KALRN: variants seen among roughly 807,000 people sequenced by gnomAD.
The protein encoded by KALRN is kalirin.
Under a neutral mutation model 353.7 loss-of-function variants are expected in KALRN, and 70 were observed. The ratio of observed to expected loss-of-function variants is 0.20; its 90% confidence interval spans 0.16 to 0.24. The LOEUF (loss-of-function observed/expected upper bound fraction) is 0.24, where lower values mean the gene tolerates loss of function less well. Ranked by LOEUF, KALRN falls within the 10% of genes least tolerant of loss-of-function variation. KALRN has a pLI of 1.00. For synonymous variants in KALRN, 1,391 were observed against 1,434.8 expected (o/e 0.97, Z 0.69); for missense variants, 2,791 against 3,756.7 (o/e 0.74, Z 6.72).
At position 124,334,093 on chromosome 3, in the gene KALRN, C is replaced by T. The variant is rs552698809; in HGVS notation, c.1417-172C>T. 6.6e-6 allele frequency among the ~76,000 whole-genome samples: 1 copy of T among 152,332 alleles called. No individual in the cohort carries two copies. Among genetic ancestry groups the T allele is most frequent in the East Asian group, 1.9e-4 (1 of 5,184 alleles). On this transcript the variant is annotated intron_variant, in intron 8 of 59. Transcript: ENST00000682506. This position sits in a 1 kb window ranked among gnomAD's most constrained non-coding sequence, Gnocchi z 4.2. Reference sequence around the variant, plus strand: ...GGATTCCAGCTGCTCTGCCCTCCACCAGGCCGGAGGATGGGCCCCATGGCA... The same window carrying T: ...GGATTCCAGCTGCTCTGCCCTCCACTAGGCCGGAGGATGGGCCCCATGGCA...
chr3:124,262,065 C>A (rs1216513095), intron 3 of KALRN, among the ~76,000 whole-genome samples: 1 of 152,056 alleles, frequency 6.6e-6, no homozygotes, highest in Non-Finnish European at 1.5e-5. Flanking sequence ...TTTAAAAATT[C>A]TATGACCAGT....
intron 1 of KALRN, among the ~76,000 whole-genome samples, chr3:124,213,500 C>A (rs1467570305): frequency 6.6e-6 from 1 of 151,908 alleles, no homozygotes; most frequent in Non-Finnish European, 1.5e-5. Flanking sequence ...CATTATTTAT[C>A]TTTTTTAAAA....
At chr3:124,056,161 C>T (rs2041518106) in intron 1 of KALRN, among the ~76,000 whole-genome samples, 4 of 152,204 alleles carry the variant, frequency 2.6e-5, no homozygotes, top group African/African-American at 9.7e-5. Context: ...TTTGCCAGCC[C>T]CTTGCCTTGC....
intron 19 of KALRN, 44 bp downstream of exon 19, chr3:124,442,103 C>A: frequency 4.0e-6 from 5 of 1,248,590 alleles, no homozygotes; most frequent in Non-Finnish European, 5.7e-6. Context: ...TCAGCGACAG[C>A]CCCTCCCTGA....
chr3:124,345,760 C>T (rs1199790261), intron 9 of KALRN, among the ~76,000 whole-genome samples: 1 of 152,172 alleles, frequency 6.6e-6, no homozygotes, highest in Non-Finnish European at 1.5e-5. Context: ...TTTCTCTGAA[C>T]TAGCACAATC....
intron 1 of KALRN, among the ~76,000 whole-genome samples, chr3:124,134,369 C>T (rs1362167576): frequency 3.3e-5 from 5 of 152,138 alleles, no homozygotes; most frequent in Non-Finnish European, 7.4e-5. Flanking sequence ...TCACCTTATA[C>T]AAAAATCAAC....
chr3:124,458,682 C>A (rs1355140742), intron 23 of KALRN, among the ~76,000 whole-genome samples: 1 of 152,136 alleles, frequency 6.6e-6, no homozygotes, highest in African/African-American at 2.4e-5. Context: ...ATGCCTGTAA[C>A]TTTGGGGGGC....
chr3:124,495,991 A>G (rs55724965), intron 32 of KALRN, among the ~76,000 whole-genome samples: 3,654 of 60,674 alleles, frequency 0.06, 761 homozygotes, highest in Non-Finnish European at 0.076. Context: ...ATATATATAT[A>G]TATATATATA....
At chr3:124,183,787 C>A (rs1438981217) in intron 1 of KALRN, among the ~76,000 whole-genome samples, 1 of 152,158 alleles carries the variant, frequency 6.6e-6, no homozygotes, top group Non-Finnish European at 1.5e-5. Flanking sequence ...GCAGTCCTAG[C>A]AAACTAGTAC....
At chr3:124,506,990 C>T (rs1237246599) in intron 33 of KALRN, among the ~76,000 whole-genome samples, 1 of 152,198 alleles carries the variant, frequency 6.6e-6, no homozygotes, top group African/African-American at 2.4e-5. Context: ...ATGAAGAAAG[C>T]ACACACAGCA....
intron 11 of KALRN, among the ~76,000 whole-genome samples, chr3:124,391,093 T>C (rs977726688): frequency 3.3e-5 from 5 of 152,176 alleles, no homozygotes; most frequent in Admixed American, 2.6e-4. Context: ...TACATGTGTT[T>C]CTGTAAGAAA....
At chr3:124,661,084 C>A in intron 44 of KALRN, 111 bp downstream of exon 44, 1 of 826,516 alleles carries the variant, frequency 1.2e-6, no homozygotes, top group Non-Finnish European at 2.1e-6. Flanking sequence ...GGACCCCTCT[C>A]AGACAGTAAG....
At chr3:124,056,091 T>C (rs1325730924) in intron 1 of KALRN, among the ~76,000 whole-genome samples, 4 of 152,236 alleles carry the variant, frequency 2.6e-5, no homozygotes, top group Admixed American at 1.3e-4. Flanking sequence ...ATTTATCTCT[T>C]CAAGCATCAG....
chr3:124,342,727 A>G (rs1490036293), intron 9 of KALRN, among the ~76,000 whole-genome samples: 1 of 152,208 alleles, frequency 6.6e-6, no homozygotes, highest in Admixed American at 6.5e-5. Context: ...ACTGACAACC[A>G]TTATTGAGTA....
chr3:124,593,043 C>T (rs775424735), intron 34 of KALRN, among the ~76,000 whole-genome samples: 1 of 152,292 alleles, frequency 6.6e-6, no homozygotes, highest in African/African-American at 2.4e-5. Flanking sequence ...CTCTTCCCAG[C>T]GCAGGATTAG....
At chr3:124,598,726 G>A (rs1183816946) in intron 34 of KALRN, among the ~76,000 whole-genome samples, 1 of 152,112 alleles carries the variant, frequency 6.6e-6, no homozygotes, top group East Asian at 1.9e-4. Context: ...ACCCAGGCTG[G>A]AGTGCAGTGG....
chr3:124,713,903 G>C (rs1465120421), intron 58 of KALRN, among the ~76,000 whole-genome samples: 1 of 152,172 alleles, frequency 6.6e-6, no homozygotes, highest in Admixed American at 6.5e-5. Flanking sequence ...CAGTAGAGAA[G>C]TGCCTGCATT....
chr3:124,122,156 A>T (rs1211976438), intron 1 of KALRN, among the ~76,000 whole-genome samples: 1 of 152,174 alleles, frequency 6.6e-6, no homozygotes, highest in East Asian at 1.9e-4. Context: ...AAGAGAAAAA[A>T]TTCCTGGCTG....
At chr3:124,046,379 G>C (rs1391022392) in intron 1 of KALRN, among the ~76,000 whole-genome samples, 3 of 152,154 alleles carry the variant, frequency 2.0e-5, no homozygotes, top group African/African-American at 7.2e-5. Flanking sequence ...GAAAGACCAG[G>C]TGTTTTTCAG....
Sources: gnomAD v4.1 joint callset for allele counts (sites outside exome capture counted in the v4.1 genomes callset) on GRCh38, gnomAD v4.1.1 for gene constraint, Gnocchi (gnomAD v3.1) non-coding constraint, MANE v1.5 for transcripts, NCBI Gene and HGNC (gene_info 2026-07-23, HGNC 2026-07-21) for gene names.